SLC8A1: variants seen among roughly 807,000 people sequenced by gnomAD.
SLC8A1 encodes the protein solute carrier family 8 member A1, also known as sodium/calcium exchanger 1.
Under a neutral mutation model 68.3 loss-of-function variants are expected in SLC8A1, and 18 were observed. That is an observed-to-expected ratio of 0.26 (90% CI 0.18 to 0.39). The LOEUF is 0.39. Among genes scored for constraint, SLC8A1 ranks in the 10% least tolerant of loss-of-function variants. SLC8A1 has a pLI of 1.00. For missense variants in SLC8A1, 985 were observed against 1,156.7 expected (o/e 0.85, Z 2.15); for synonymous variants, 475 against 415.5 (o/e 1.14, Z -1.74).
intron 2 of SLC8A1, among the ~76,000 whole-genome samples, chr2:40,419,852 G>C (rs947197521): frequency 6.6e-6 from 1 of 152,026 alleles, no homozygotes; most frequent in Non-Finnish European, 1.5e-5. Flanking sequence ...ACAGTTGCAG[G>C]CTTCTTTTAA....
Position 40,450,420 on chromosome 2 carries a change from A to T in SLC8A1, c.-25+1484T>A, listed in dbSNP as rs145314743. ...TGGGAAAGAGAGGTATACTTTCAGA[A>T]TTCTCTCCTGGTGGCTCCCTCTTTC... On this transcript the variant is annotated intron_variant, in intron 1 of 7. Transcript: ENST00000406785. Among the ~76,000 whole-genome samples the T allele has an allele frequency of 3.1e-3, 473 of 151,988 alleles. 1 individual carries two copies. The highest frequency in any genetic ancestry group is 0.011 in the African/African-American group (453 of 41,460).
intron 2 of SLC8A1, among the ~76,000 whole-genome samples, chr2:40,260,619 C>G (rs537084776): frequency 6.6e-6 from 1 of 152,144 alleles, no homozygotes; most frequent in East Asian, 1.9e-4. Context: ...AATAGGAATT[C>G]AAGCTTCCAG....
At chr2:40,364,879 C>A (rs1675638960) in intron 2 of SLC8A1, among the ~76,000 whole-genome samples, 1 of 150,924 alleles carries the variant, frequency 6.6e-6, no homozygotes, top group African/African-American at 2.4e-5. Flanking sequence ...AATTTTTTTT[C>A]TTGAGAAATG....
At chr2:40,145,496 T>C (rs1186338557) in intron 6 of SLC8A1, among the ~76,000 whole-genome samples, 1 of 152,216 alleles carries the variant, frequency 6.6e-6, no homozygotes, top group Non-Finnish European at 1.5e-5. Flanking sequence ...TGACTTTCGA[T>C]TCTTTCCAGG....
At chr2:40,167,073 A>G (rs1349814340) in intron 4 of SLC8A1, among the ~76,000 whole-genome samples, 1 of 152,272 alleles carries the variant, frequency 6.6e-6, no homozygotes, top group Non-Finnish European at 1.5e-5. Context: ...GCAGCATTTC[A>G]TGAAATTAAA....
At chr2:40,252,646 T>A (rs953896421) in intron 2 of SLC8A1, among the ~76,000 whole-genome samples, 1 of 151,970 alleles carries the variant, frequency 6.6e-6, no homozygotes, top group Non-Finnish European at 1.5e-5. Context: ...CCGGCCAAGA[T>A]AGTGCATTTT....
chr2:40,178,269 C>G, intron 2 of SLC8A1, 118 bp downstream of exon 3: 2 of 794,072 alleles, frequency 2.5e-6, no homozygotes, highest in Non-Finnish European at 4.3e-6. Flanking sequence ...GATCTGTGCC[C>G]TGTTACATAG....
chr2:40,227,691 C>A (rs558871659), intron 2 of SLC8A1, among the ~76,000 whole-genome samples: 1 of 151,860 alleles, frequency 6.6e-6, no homozygotes, highest in Non-Finnish European at 1.5e-5. Context: ...GCATTTGTAC[C>A]CCTAAACTTA....
At position 40,376,058 on chromosome 2, in the gene SLC8A1, T is replaced by C. The variant is rs1214553155; in HGVS notation, c.1808+52415A>G. The stretch of plus-strand genomic sequence containing the variant: ...ATTTGTAGGTTGACTTTTTCAACAG[T>C]ATATTTAGAATGCTGAATGAAGAGG... On this transcript the variant is annotated intron_variant, in intron 2 of 7. Transcript: ENST00000406785. Among the ~76,000 whole-genome samples, 6 of 152,130 alleles carry C rather than the reference T, an allele frequency of 3.9e-5. 1 individual carries two copies. Among genetic ancestry groups the C allele is most frequent in the Admixed American group, 1.3e-4 (2 of 15,264 alleles).
chr2:40,116,227 A>T (rs976260), intron 7 of SLC8A1, among the ~76,000 whole-genome samples: 147,566 of 152,328 alleles, frequency 0.97, 71,691 homozygotes, highest in East Asian at 1. Flanking sequence ...ACTATAATAG[A>T]GTAGCTGACA....
intron 2 of SLC8A1, among the ~76,000 whole-genome samples, chr2:40,196,683 C>G (rs1244002774): frequency 6.6e-6 from 1 of 152,040 alleles, no homozygotes; most frequent in Non-Finnish European, 1.5e-5. Context: ...AGAGGCTTAA[C>G]AGCAAATATC....
At chr2:40,300,872 G>C (rs2071330177) in intron 2 of SLC8A1, among the ~76,000 whole-genome samples, 1 of 152,154 alleles carries the variant, frequency 6.6e-6, no homozygotes, top group Non-Finnish European at 1.5e-5. Flanking sequence ...GTAGAGCAAA[G>C]AACTGTGATG....
At chr2:40,410,667 T>G (rs1293717207) in intron 2 of SLC8A1, among the ~76,000 whole-genome samples, 1 of 152,154 alleles carries the variant, frequency 6.6e-6, no homozygotes, top group Non-Finnish European at 1.5e-5. Flanking sequence ...AATTAACGTA[T>G]GCATTACTTC....
intron 2 of SLC8A1, among the ~76,000 whole-genome samples, chr2:40,325,627 T>C (rs2075728542): frequency 6.6e-6 from 1 of 151,886 alleles, no homozygotes. Context: ...TAATAGGTGT[T>C]TGATTTCAGT....
At chr2:40,369,592 G>A (rs1203622096) in intron 2 of SLC8A1, among the ~76,000 whole-genome samples, 4 of 152,034 alleles carry the variant, frequency 2.6e-5, no homozygotes, top group Non-Finnish European at 5.9e-5. Context: ...ATGCTTATTG[G>A]GTTGTGGATT....
chr2:40,417,844 T>G (rs543479246), intron 2 of SLC8A1, among the ~76,000 whole-genome samples: 3 of 144,124 alleles, frequency 2.1e-5, no homozygotes, highest in East Asian at 4.1e-4. Context: ...ATAGCTGGAG[T>G]CAGGCACACT....
At chr2:40,429,194 A>T in exon 2 of SLC8A1, 1 of 1,613,784 alleles carries the variant, frequency 6.2e-7, no homozygotes, top group Non-Finnish European at 8.5e-7. Flanking sequence ...ATGCGATAAA[A>T]TGCTCTACTT....
intron 2 of SLC8A1, among the ~76,000 whole-genome samples, chr2:40,194,138 T>C (rs1365895632): frequency 6.6e-6 from 1 of 152,134 alleles, no homozygotes; most frequent in Non-Finnish European, 1.5e-5. Flanking sequence ...AGAAAATCTA[T>C]CTACCATAAA....
chr2:40,457,135 T>C (rs772935328), intron 1 of SLC8A1, among the ~76,000 whole-genome samples: 3 of 152,216 alleles, frequency 2.0e-5, no homozygotes, highest in Non-Finnish European at 2.9e-5. Flanking sequence ...AAAATTTTGA[T>C]TGTCACATTA....
Sources: allele counts gnomAD v4.1 joint callset (sites outside exome capture counted in the v4.1 genomes callset), GRCh38; gene constraint gnomAD v4.1.1; transcripts MANE v1.5; gene names NCBI Gene and HGNC (gene_info 2026-07-23, HGNC 2026-07-21).